The following DLG1 variants were observed in gnomAD, a reference collection of about 807,000 sequenced individuals.
DLG1 encodes the protein disks large homolog 1.
In DLG1, 42 loss-of-function variants were observed where a neutral mutation model predicts 123.4. That is an observed-to-expected ratio of 0.34 (90% CI 0.27 to 0.44). DLG1 has a LOEUF of 0.44. DLG1 is among the 20% of genes least tolerant of loss of function. The pLI, the probability that DLG1 is intolerant of heterozygous loss-of-function variation, is 1.00. For synonymous variants in DLG1, 317 were observed against 356.2 expected, an observed-to-expected ratio of 0.89 and a Z score of 1.24; for missense variants, 942 against 1,082.6, an observed-to-expected ratio of 0.87 and a Z score of 1.82.
chr3:197,232,955 T>A (rs73088428), intron 4 of DLG1, among the ~76,000 whole-genome samples: 2,425 of 152,204 alleles, frequency 0.016, 67 homozygotes, highest in African/African-American at 0.054. Flanking sequence ...TACACTCTCA[T>A]TATTCCTATT....
intron 11 of DLG1, among the ~76,000 whole-genome samples, chr3:197,127,225 C>G (rs903054732): frequency 1.3e-5 from 2 of 150,990 alleles, no homozygotes; most frequent in Non-Finnish European, 2.9e-5. Context: ...GAGTTTGAGA[C>G]CAGCCTGGCC....
intron 14 of DLG1, among the ~76,000 whole-genome samples, chr3:197,098,370 G>A (rs772813570): frequency 1.3e-4 from 20 of 152,246 alleles, no homozygotes; most frequent in South Asian, 8.3e-4. Context: ...TAGTGATGCA[G>A]AAAAATATTC....
intron 10 of DLG1, among the ~76,000 whole-genome samples, chr3:197,135,972 T>G (rs552833234): frequency 6.6e-6 from 1 of 152,024 alleles, no homozygotes; most frequent in African/African-American, 2.4e-5. Context: ...TCACCAGGTC[T>G]GGTTAATTTC....
At chr3:197,046,041 G>T (rs767885458) in intron 24 of DLG1, among the ~76,000 whole-genome samples, 1 of 152,206 alleles carries the variant, frequency 6.6e-6, no homozygotes, top group African/African-American at 2.4e-5. Context: ...ATATTCGCTA[G>T]TATCAGTTTT....
intron 9 of DLG1, 137 bp downstream of exon 9, chr3:197,138,085 G>A (rs965507716): frequency 8.8e-6 from 4 of 452,342 alleles, no homozygotes; most frequent in East Asian, 3.6e-5. Context: ...TAGAAATAAC[G>A]GAGAAATTAA....
chr3:197,232,439 T>G (rs770400101), intron 4 of DLG1, among the ~76,000 whole-genome samples: 20 of 152,056 alleles, frequency 1.3e-4, no homozygotes, highest in Non-Finnish European at 2.2e-4. Flanking sequence ...AAACTATTAT[T>G]TTAGAAAAAG....
chr3:197,235,318 C>G (rs912864167), intron 4 of DLG1, among the ~76,000 whole-genome samples: 11 of 152,172 alleles, frequency 7.2e-5, no homozygotes, highest in Admixed American at 3.3e-4. Context: ...GAAGGCTAAG[C>G]AGAAAAAGAG....
chr3:197,102,497 G>A (rs988105866), intron 14 of DLG1, among the ~76,000 whole-genome samples: 8 of 152,202 alleles, frequency 5.3e-5, no homozygotes, highest in African/African-American at 1.9e-4. Flanking sequence ...TTTTTGTGTT[G>A]TGTGTGCGTG....
At chr3:197,112,172 A>G (rs1415510043) in intron 13 of DLG1, among the ~76,000 whole-genome samples, 1 of 152,188 alleles carries the variant, frequency 6.6e-6, no homozygotes, top group Non-Finnish European at 1.5e-5. Context: ...TTGTTGTTCA[A>G]CTAAGTGGGA....
At chr3:197,107,052 G>A (rs935076733) in intron 13 of DLG1, among the ~76,000 whole-genome samples, 4 of 152,104 alleles carry the variant, frequency 2.6e-5, no homozygotes, top group African/African-American at 9.7e-5. Flanking sequence ...TGGCAACTAC[G>A]AAGCTACTTT....
chr3:197,216,280 A>G (rs1418449691), intron 4 of DLG1, among the ~76,000 whole-genome samples: 2 of 152,218 alleles, frequency 1.3e-5, no homozygotes, highest in East Asian at 3.8e-4. Flanking sequence ...TGCTGAACAC[A>G]GTTAAGAATT....
intron 15 of DLG1, among the ~76,000 whole-genome samples, chr3:197,089,527 T>TA (rs75041617): frequency 0.089 from 11,648 of 130,866 alleles, 673 homozygotes; most frequent in African/African-American, 0.18. Context: ...ACCCTGTCTT[T>TA]AAAAAAAAAA....
chr3:197,148,557 A>G (rs144386779), intron 6 of DLG1, among the ~76,000 whole-genome samples: 1 of 152,182 alleles, frequency 6.6e-6, no homozygotes, highest in African/African-American at 2.4e-5. Context: ...CTGATTTTCT[A>G]TATGGTTGCC....
At chr3:197,050,476 T>C (rs1257534399) in intron 24 of DLG1, among the ~76,000 whole-genome samples, 1 of 151,934 alleles carries the variant, frequency 6.6e-6, no homozygotes, top group Non-Finnish European at 1.5e-5. Context: ...TATACAACAA[T>C]GGAATATTTT....
At chr3:197,194,675 A>C in intron 4 of DLG1, 86 bp from the exon 5 acceptor site, 2 of 800,374 alleles carry the variant, frequency 2.5e-6, no homozygotes, top group Non-Finnish European at 3.9e-6. Context: ...CCAAATACTC[A>C]ATATTTAGCA....
intron 4 of DLG1, among the ~76,000 whole-genome samples, chr3:197,203,758 G>C (rs1024827294): frequency 1.3e-4 from 20 of 152,204 alleles, no homozygotes; most frequent in African/African-American, 4.8e-4. Flanking sequence ...TTGGTTTCAA[G>C]GTTAAAATAA....
chr3:197,269,812 C>T (rs1343414556), intron 4 of DLG1, among the ~76,000 whole-genome samples: 2 of 152,100 alleles, frequency 1.3e-5, no homozygotes, highest in African/African-American at 4.8e-5. Flanking sequence ...TAAAACTATG[C>T]TATTTGAAAA....
intron 14 of DLG1, among the ~76,000 whole-genome samples, chr3:197,104,175 T>C (rs1322082867): frequency 6.6e-6 from 1 of 152,184 alleles, no homozygotes; most frequent in Non-Finnish European, 1.5e-5. Context: ...ATTCAAAAGC[T>C]AGAAAAAATC....
chr3:197,072,995 C>A (rs571988553), intron 18 of DLG1, among the ~76,000 whole-genome samples: 24 of 152,302 alleles, frequency 1.6e-4, no homozygotes, highest in Admixed American at 1.6e-3. Context: ...CCGCGCCCAG[C>A]CTGTTTATGA....
Sources: gnomAD v4.1 joint callset for allele counts (sites outside exome capture counted in the v4.1 genomes callset) on GRCh38, gnomAD v4.1.1 for gene constraint, MANE v1.5 for transcripts, NCBI Gene and HGNC (gene_info 2026-07-23, HGNC 2026-07-21) for gene names.